The following OSTF1 variants were observed in gnomAD, a reference collection of about 807,000 sequenced individuals.
The protein encoded by OSTF1 is osteoclast stimulating factor 1.
In OSTF1, 27 loss-of-function variants were observed where a neutral mutation model predicts 37.2. That is an observed-to-expected ratio of 0.73 (90% CI 0.54 to 1.00). The LOEUF (loss-of-function observed/expected upper bound fraction) is 1.00. Ranked by LOEUF, OSTF1 falls within the 50% of genes least tolerant of loss-of-function variation. OSTF1 has a pLI of 0.00. For missense variants in OSTF1, 232 were observed against 253.8 expected (o/e 0.91, Z 0.58); for synonymous variants, 82 against 89.2 (o/e 0.92, Z 0.46).
chr9:75,131,889 G>C, intron 5 of OSTF1, 66 bp downstream of exon 5: 1 of 1,156,412 alleles, frequency 8.6e-7, no homozygotes, highest in Non-Finnish European at 1.3e-6. Context: ...AATTAGCTTT[G>C]ACAAGTGCAT....
intron 1 of OSTF1, among the ~76,000 whole-genome samples, chr9:75,106,988 A>C (rs10869502): frequency 0.23 from 32,275 of 139,290 alleles, 3,388 homozygotes; most frequent in Admixed American, 0.25. Flanking sequence ...AAAAAAAAAG[A>C]AAAAAAAAAA....
chr9:75,089,252 A>C (rs62569654), intron 1 of OSTF1, among the ~76,000 whole-genome samples: 9,351 of 150,680 alleles, frequency 0.062, 404 homozygotes, highest in African/African-American at 0.11. Flanking sequence ...GATCTTGGGA[A>C]GAGCGTTTAG....
At chr9:75,126,240 A>G (rs1188094123) in intron 2 of OSTF1, among the ~76,000 whole-genome samples, 21 of 152,356 alleles carry the variant, frequency 1.4e-4, no homozygotes, top group Admixed American at 1.4e-3. Flanking sequence ...TTTCACTAGC[A>G]TAATTTTGAT....
chr9:75,108,306 C>G (rs1334460983), intron 1 of OSTF1, among the ~76,000 whole-genome samples: 1 of 150,570 alleles, frequency 6.6e-6, no homozygotes, highest in African/African-American at 2.5e-5. Context: ...AGTAATTTCT[C>G]TAAATGTAAC....
chr9:75,114,554 ATT>A (rs34381078), intron 1 of OSTF1, among the ~76,000 whole-genome samples: 409 of 137,564 alleles, frequency 3.0e-3, no homozygotes, highest in African/African-American at 5.6e-3. Context: ...TTTAATATTA[ATT>A]TTTTTTTTTT....
chr9:75,116,524 G>A (rs570860482), intron 1 of OSTF1, among the ~76,000 whole-genome samples: 3 of 151,894 alleles, frequency 2.0e-5, no homozygotes, highest in Non-Finnish European at 4.4e-5. Context: ...TTGGCAGGAA[G>A]GAGGACAACT....
intron 1 of OSTF1, 83 bp downstream of exon 1, chr9:75,088,809 C>G (rs1824867609): frequency 2.2e-6 from 3 of 1,352,386 alleles, no homozygotes; most frequent in East Asian, 2.5e-5. Flanking sequence ...CAGGGAGGAC[C>G]CGGCGCGCAC....
chr9:75,102,304 A>G (rs917154196), intron 1 of OSTF1, among the ~76,000 whole-genome samples: 3 of 152,184 alleles, frequency 2.0e-5, no homozygotes, highest in Non-Finnish European at 4.4e-5. Context: ...TTTCATCTCT[A>G]AACAGTGGAT....
At chr9:75,096,041 G>A (rs965901837) in intron 1 of OSTF1, among the ~76,000 whole-genome samples, 1 of 152,058 alleles carries the variant, frequency 6.6e-6, no homozygotes, top group African/African-American at 2.4e-5. Context: ...GCAGGCGCCC[G>A]CCACCACGCC....
intron 8 of OSTF1, among the ~76,000 whole-genome samples, chr9:75,139,187 C>T (rs557852344): frequency 2.8e-4 from 43 of 151,484 alleles, no homozygotes; most frequent in African/African-American, 9.2e-4. Flanking sequence ...AAATTACAAA[C>T]GTGCACCACC....
At chr9:75,128,930 A>T (rs1282265417) in intron 3 of OSTF1, among the ~76,000 whole-genome samples, 1 of 152,068 alleles carries the variant, frequency 6.6e-6, no homozygotes, top group African/African-American at 2.4e-5. Flanking sequence ...GCCTAGGAAA[A>T]ATGACCAACC....
chr9:75,090,839 C>T (rs1222890709), intron 1 of OSTF1, among the ~76,000 whole-genome samples: 3 of 152,124 alleles, frequency 2.0e-5, no homozygotes, highest in African/African-American at 4.8e-5. Flanking sequence ...CAGAAATGTC[C>T]TATCGTAGTA....
chr9:75,144,897 CA>C (rs1166571431), intron 9 of OSTF1, among the ~76,000 whole-genome samples: 1 of 152,114 alleles, frequency 6.6e-6, no homozygotes, highest in Admixed American at 6.6e-5. Flanking sequence ...ATTTTTTAAG[CA>C]ATAGTTCCTT....
intron 1 of OSTF1, among the ~76,000 whole-genome samples, chr9:75,090,725 C>T (rs1019874560): frequency 2.0e-5 from 3 of 151,466 alleles, no homozygotes; most frequent in Non-Finnish European, 2.9e-5. Context: ...GTAATCCTAG[C>T]ACTTTATGAG....
In OSTF1 at chr9:75,140,889, C is replaced by G; in HGVS notation, c.543C>G (p.Thr181=). Reference sequence around the variant, plus strand: ...AGAAGCTGGCCTTCGACATGGCTACCAATGCTGCCTGTGCATCTCTCCTGA... The same window carrying G: ...AGAAGCTGGCCTTCGACATGGCTACGAATGCTGCCTGTGCATCTCTCCTGA... ...IEKKLAFDMA[T]NAACASLLKK... The change falls in exon 9 of 10, where the codon ACC becomes ACG. Residue 181 remains threonine, a synonymous_variant. Transcript: ENST00000346234. The G allele has an allele frequency of 6.2e-7, 1 of 1,613,692 alleles. No homozygotes were observed. Among genetic ancestry groups the G allele is most frequent in the Non-Finnish European group, 8.5e-7 (1 of 1,179,676 alleles).
chr9:75,095,525 G>A (rs1189012015), intron 1 of OSTF1, among the ~76,000 whole-genome samples: 1 of 152,098 alleles, frequency 6.6e-6, no homozygotes, highest in African/African-American at 2.4e-5. Flanking sequence ...CAGCAAAGGG[G>A]GAAAAGTCAT....
chr9:75,141,968 G>A (rs1226580176), intron 9 of OSTF1, among the ~76,000 whole-genome samples: 1 of 151,962 alleles, frequency 6.6e-6, no homozygotes, highest in African/African-American at 2.4e-5. Flanking sequence ...GGTTGGTCTC[G>A]AACTCATGGA....
intron 9 of OSTF1, among the ~76,000 whole-genome samples, chr9:75,145,616 T>TAGCA (rs1826011820): frequency 6.6e-6 from 1 of 152,210 alleles, no homozygotes; most frequent in African/African-American, 2.4e-5. Context: ...ACAGTTAATG[T>TAGCA]AGCAAGGGCA....
intron 1 of OSTF1, among the ~76,000 whole-genome samples, chr9:75,097,748 G>A (rs1038740392): frequency 2.4e-4 from 32 of 133,160 alleles, no homozygotes; most frequent in African/African-American, 7.3e-4. Context: ...CCCTCGTGCC[G>A]TCCCCTCTTT....
Sources: gnomAD v4.1 joint callset for allele counts (sites outside exome capture counted in the v4.1 genomes callset) on GRCh38, gnomAD v4.1.1 for gene constraint, MANE v1.5 for transcripts, NCBI Gene and HGNC (gene_info 2026-07-23, HGNC 2026-07-21) for gene names.